MANBAL: variants seen among roughly 807,000 people sequenced by gnomAD.
The protein encoded by MANBAL is mannosidase beta like, also known as protein MANBAL.
In MANBAL, 1 loss-of-function variant was observed where a neutral mutation model predicts 6.4. That is an observed-to-expected ratio of 0.16 (90% confidence interval 0.06 to 0.74). MANBAL has a LOEUF of 0.74. Among genes scored for constraint, MANBAL ranks in the 30% least tolerant of loss-of-function variants. MANBAL has a pLI of 0.78. For synonymous variants in MANBAL, 47 were observed against 45.8 expected (o/e 1.03, Z -0.10); for missense variants, 100 against 107.8 (o/e 0.93, Z 0.32).
At chr20:37,302,337 A>G in intron 2 of MANBAL, 8 of 1,550,584 alleles carry the variant, frequency 5.2e-6, no homozygotes, top group Non-Finnish European at 7.0e-6. Flanking sequence ...CGAATACCTC[A>G]GAGCTGGTGC....
At chr20:37,311,336 CAG>C (rs1032519927) in intron 2 of MANBAL, among the ~76,000 whole-genome samples, 5 of 152,208 alleles carry the variant, frequency 3.3e-5, no homozygotes, top group Admixed American at 6.5e-5. Flanking sequence ...TGCCTGGAGA[CAG>C]GGGCCAAGAC....
At position 37,292,098 on chromosome 20, in the gene MANBAL, T is replaced by C. The variant is rs145390280; in HGVS notation, c.-57+2412T>C. On this transcript the variant is annotated intron_variant, in intron 1 of 2. Coordinates refer to ENST00000373606, the MANE Select transcript of MANBAL (RefSeq NM_001003897.2). ...AGGTAGTAGTCAGGCTTTTCCAGTG[T>C]AGAGTTACTTTTCCTCCTGCACTTT... is the stretch of plus-strand genomic sequence containing the variant. Among the ~76,000 whole-genome samples the C allele has an allele frequency of 5.8e-3, 878 of 152,328 alleles. 5 individuals carry two copies. The highest frequency in any genetic ancestry group is 0.02 in the African/African-American group (847 of 41,572).
At chr20:37,313,861 G>A (rs1037217862) in intron 2 of MANBAL, among the ~76,000 whole-genome samples, 58 of 152,220 alleles carry the variant, frequency 3.8e-4, no homozygotes, top group African/African-American at 1.3e-3. Flanking sequence ...GCAGTTTGCC[G>A]GGTGGCCAAG....
chr20:37,312,517 G>A (rs1034604160), intron 2 of MANBAL, among the ~76,000 whole-genome samples: 1 of 152,236 alleles, frequency 6.6e-6, no homozygotes, highest in African/African-American at 2.4e-5. Context: ...CATATGACCT[G>A]AGTGTCTGTT....
At chr20:37,311,582 G>T (rs942317005) in intron 2 of MANBAL, among the ~76,000 whole-genome samples, 1 of 152,124 alleles carries the variant, frequency 6.6e-6, no homozygotes, top group Non-Finnish European at 1.5e-5. Flanking sequence ...CCACCTCCTG[G>T]GTTCAAGTGA....
intron 1 of MANBAL, among the ~76,000 whole-genome samples, chr20:37,294,145 A>T (rs998477288): frequency 1.1e-4 from 16 of 152,160 alleles, no homozygotes; most frequent in African/African-American, 3.9e-4. Context: ...TGCTGTCAAG[A>T]TTTTTGGGTT....
chr20:37,300,502 A>C (rs1182102162), intron 1 of MANBAL, among the ~76,000 whole-genome samples: 1 of 152,222 alleles, frequency 6.6e-6, no homozygotes, highest in East Asian at 1.9e-4. Context: ...CATCCTGAGC[A>C]TGTAGAGGCT....
chr20:37,302,261 C>G (rs1195784426), intron 2 of MANBAL: 1 of 1,550,562 alleles, frequency 6.4e-7, no homozygotes, highest in Non-Finnish European at 8.7e-7. Context: ...TCTCTGTTCC[C>G]TGTGTTTCCT....
intron 1 of MANBAL, among the ~76,000 whole-genome samples, chr20:37,293,823 C>T (rs79025561): frequency 0.015 from 2,219 of 152,340 alleles, 25 homozygotes; most frequent in Middle Eastern, 0.048. Flanking sequence ...ACAGGCTCCA[C>T]TCGTTTTCAA....
At chr20:37,308,707 C>T (rs1442769466) in intron 2 of MANBAL, among the ~76,000 whole-genome samples, 1 of 152,082 alleles carries the variant, frequency 6.6e-6, no homozygotes, top group Non-Finnish European at 1.5e-5. Context: ...CTGTCTTCCT[C>T]CTCCCCATAA....
rs946388702 is a variant in MANBAL at position 37,312,106 on chromosome 20, G to A, written c.151-4202G>A. ...AGCTGAGGTAGGGAAGAGAGGAGGA[G>A]GTCTGGGGTGAGGAGGAGACAGATC... On this transcript the variant is annotated intron_variant, in intron 2 of 2. Transcript: ENST00000373606. Among the ~76,000 whole-genome samples the A allele has an allele frequency of 5.3e-5, 8 of 152,126 alleles. No homozygotes were observed. The South Asian group carries it at 6.2e-4, about 12-fold the overall frequency.
At chr20:37,301,803 C>T (rs148019636) in intron 2 of MANBAL, among the ~76,000 whole-genome samples, 177 of 152,282 alleles carry the variant, frequency 1.2e-3, no homozygotes, top group Admixed American at 2.6e-3. Flanking sequence ...TGGGCCCTGC[C>T]GAGGAGGCAG....
At position 37,316,654 on chromosome 20, in the gene MANBAL, A is replaced by G. The variant is rs1391483890; in HGVS notation, c.*239A>G. ...GTCAAGGGGGCTGAAACACACTGTG[A>G]GCATAGACTGTATTAGGTTTGTTCA... On this transcript the variant is annotated 3_prime_UTR_variant, in exon 3 of 3. Transcript: ENST00000373606. The G allele has an allele frequency of 2.3e-5, 9 of 398,572 alleles. No individual in the cohort carries two copies. Among genetic ancestry groups the G allele is most frequent in the East Asian group, 2.1e-4 (4 of 19,294 alleles). 24.7% of individuals were successfully genotyped at this position (398,572 alleles called of 1,614,324 possible).
intron 2 of MANBAL, among the ~76,000 whole-genome samples, chr20:37,312,364 T>G (rs914966506): frequency 6.6e-6 from 1 of 151,858 alleles, no homozygotes; most frequent in Admixed American, 6.6e-5. Context: ...AAGTAGAGAG[T>G]AGATTTCATA....
At chr20:37,311,224 T>G (rs1470633070) in intron 2 of MANBAL, among the ~76,000 whole-genome samples, 1 of 152,154 alleles carries the variant, frequency 6.6e-6, no homozygotes, top group Non-Finnish European at 1.5e-5. Flanking sequence ...CCACATGTAC[T>G]GGGTGCAGGT....
intron 2 of MANBAL, among the ~76,000 whole-genome samples, chr20:37,310,225 C>G (rs1203476450): frequency 6.6e-6 from 1 of 152,246 alleles, no homozygotes; most frequent in Admixed American, 6.5e-5. Context: ...ACATGGATGG[C>G]CTTCCTTGCT....
chr20:37,307,857 G>T (rs1335865310), intron 2 of MANBAL, among the ~76,000 whole-genome samples: 1 of 152,146 alleles, frequency 6.6e-6, no homozygotes, highest in Non-Finnish European at 1.5e-5. Context: ...CAGGAAAGAC[G>T]TGAACTTGGA....
At chr20:37,309,976 G>A (rs758563030) in intron 2 of MANBAL, among the ~76,000 whole-genome samples, 25 of 152,262 alleles carry the variant, frequency 1.6e-4, no homozygotes, top group South Asian at 6.2e-4. Context: ...AGAGATTGCC[G>A]TGTGATGAGG....
At chr20:37,302,376 A>G in intron 2 of MANBAL, 1 of 1,547,886 alleles carries the variant, frequency 6.5e-7, no homozygotes, top group South Asian at 1.2e-5. Flanking sequence ...TGGCATCAAC[A>G]AGCAGGTGGT....
Sources: gnomAD v4.1 joint callset for allele counts (sites outside exome capture counted in the v4.1 genomes callset) on GRCh38, gnomAD v4.1.1 for gene constraint, MANE v1.5 for transcripts, NCBI Gene and HGNC (gene_info 2026-07-23, HGNC 2026-07-21) for gene names.